LYPD6: variants seen among roughly 807,000 people sequenced by gnomAD.
LYPD6 encodes the protein ly6/PLAUR domain-containing protein 6.
Under a neutral mutation model 22.7 loss-of-function variants are expected in LYPD6, and 15 were observed. The observed-to-expected ratio is 0.66, with a 90% CI of 0.44 to 1.02. LYPD6 has a LOEUF of 1.02. Ranked by LOEUF, LYPD6 falls within the 50% of genes least tolerant of loss-of-function variation. The pLI, the probability that LYPD6 is intolerant of heterozygous loss-of-function variation, is 0.00. For synonymous variants in LYPD6, 72 were observed against 77.5 expected (o/e 0.93, Z 0.37); for missense variants, 189 against 208.4 (o/e 0.91, Z 0.57).
intron 1 of LYPD6, among the ~76,000 whole-genome samples, chr2:149,353,655 A>G (rs1681399840): frequency 1.3e-5 from 2 of 152,202 alleles, no homozygotes; most frequent in African/African-American, 4.8e-5. Flanking sequence ...AAGATGAATT[A>G]CTTGAAAATG....
At chr2:149,363,782 T>TTGATGTA (rs1681612443) in intron 1 of LYPD6, among the ~76,000 whole-genome samples, 1 of 152,240 alleles carries the variant, frequency 6.6e-6, no homozygotes, top group South Asian at 2.1e-4. Flanking sequence ...ATATATTTGG[T>TTGATGTA]TGATGTAGAT....
At chr2:149,436,601 T>C (rs1683436294) in intron 1 of LYPD6, among the ~76,000 whole-genome samples, 1 of 152,108 alleles carries the variant, frequency 6.6e-6, no homozygotes, top group Admixed American at 6.5e-5. Flanking sequence ...TTTTCTGAGA[T>C]GGAGTTTCAC....
At chr2:149,467,766 C>T (rs1681233583) in intron 3 of LYPD6, among the ~76,000 whole-genome samples, 2 of 152,244 alleles carry the variant, frequency 1.3e-5, no homozygotes, top group East Asian at 1.9e-4. Context: ...AGAGCAAGAA[C>T]ATTCTCCTAA....
intron 1 of LYPD6, among the ~76,000 whole-genome samples, chr2:149,379,848 C>T (rs537938923): frequency 5.3e-4 from 80 of 152,290 alleles, no homozygotes; most frequent in African/African-American, 1.8e-3. Context: ...AGAATCCCTA[C>T]CCTTGAGAAG....
chr2:149,396,441 C>T (rs1265477200), intron 1 of LYPD6, among the ~76,000 whole-genome samples: 2 of 151,986 alleles, frequency 1.3e-5, no homozygotes, highest in Non-Finnish European at 2.9e-5. Context: ...TATTACTATA[C>T]CCTTGAAGTT....
chr2:149,343,933 G>A (rs1192730033), intron 1 of LYPD6, among the ~76,000 whole-genome samples: 1 of 151,734 alleles, frequency 6.6e-6, no homozygotes, highest in East Asian at 1.9e-4. Flanking sequence ...TGTTTTTTGA[G>A]TTGCAGGACT....
intron 1 of LYPD6, among the ~76,000 whole-genome samples, chr2:149,379,722 A>G (rs1322845984): frequency 6.6e-6 from 1 of 152,202 alleles, no homozygotes; most frequent in African/African-American, 2.4e-5. Flanking sequence ...GAAATCATTC[A>G]CAGCTAATAG....
intron 1 of LYPD6, among the ~76,000 whole-genome samples, chr2:149,383,655 A>G (rs1317686495): frequency 6.6e-6 from 1 of 152,318 alleles, no homozygotes; most frequent in East Asian, 1.9e-4. Flanking sequence ...AAAACCATAG[A>G]AAGAACCAGT....
At chr2:149,429,430 A>T (rs1332822784) in intron 1 of LYPD6, among the ~76,000 whole-genome samples, 1 of 152,246 alleles carries the variant, frequency 6.6e-6, no homozygotes, top group Non-Finnish European at 1.5e-5. Flanking sequence ...TGGTTAGGTG[A>T]GACAGTAAAA....
At chr2:149,442,065 T>TAA (rs1683580768) in intron 2 of LYPD6, among the ~76,000 whole-genome samples, 1 of 152,202 alleles carries the variant, frequency 6.6e-6, no homozygotes, top group African/African-American at 2.4e-5. Context: ...CTGTCAGAAA[T>TAA]ATGTGCATAT....
intron 1 of LYPD6, among the ~76,000 whole-genome samples, chr2:149,377,597 C>T (rs962474850): frequency 1.3e-5 from 2 of 152,044 alleles, no homozygotes; most frequent in African/African-American, 4.8e-5. Context: ...CTGGGCAACA[C>T]GGTGAAACCC....
chr2:149,420,291 C>G (rs1683050734), intron 1 of LYPD6, among the ~76,000 whole-genome samples: 1 of 152,178 alleles, frequency 6.6e-6, no homozygotes, highest in Admixed American at 6.5e-5. Context: ...TGTAGCAGAG[C>G]AGGAGTCAAA....
intron 3 of LYPD6, among the ~76,000 whole-genome samples, chr2:149,453,196 C>T (rs1680874229): frequency 6.6e-6 from 1 of 152,198 alleles, no homozygotes; most frequent in African/African-American, 2.4e-5. Context: ...CTTGAAATCA[C>T]ATTACGTTAG....
At chr2:149,390,734 A>G (rs541622713) in intron 1 of LYPD6, among the ~76,000 whole-genome samples, 9 of 152,340 alleles carry the variant, frequency 5.9e-5, no homozygotes, top group Admixed American at 5.9e-4. Flanking sequence ...ATTGCAATCC[A>G]TTAACACACA....
intron 1 of LYPD6, among the ~76,000 whole-genome samples, chr2:149,385,135 C>G (rs758505579): frequency 8.6e-5 from 13 of 151,990 alleles, no homozygotes; most frequent in Admixed American, 3.3e-4. Context: ...CTTTGTTTCC[C>G]TTCTGATTCC....
chr2:149,485,681 G>A, the LYPD6 span, among the ~76,000 whole-genome samples: 3 of 152,200 alleles, frequency 2.0e-5, no homozygotes, highest in East Asian at 1.9e-4. Flanking sequence ...TTAATAGCAC[G>A]GCAAGTCTTA....
chr2:149,475,648 G>A (rs1160601538), downstream of LYPD6, among the ~76,000 whole-genome samples: 2 of 152,030 alleles, frequency 1.3e-5, no homozygotes, highest in East Asian at 1.9e-4. Context: ...AATTGGATTG[G>A]GGGACCTCTA....
At chr2:149,483,404 A>G in the LYPD6 span, among the ~76,000 whole-genome samples, 1 of 152,158 alleles carries the variant, frequency 6.6e-6, no homozygotes, top group Admixed American at 6.5e-5. Flanking sequence ...GCTAAGAAGG[A>G]AGAGAGGTTT....
At chr2:149,409,654 C>A (rs1045872214) in intron 1 of LYPD6, among the ~76,000 whole-genome samples, 2 of 152,054 alleles carry the variant, frequency 1.3e-5, no homozygotes, top group Non-Finnish European at 2.9e-5. Context: ...GTATGGTTCC[C>A]AGTCCAGTGG....
Sources: allele counts gnomAD v4.1 joint callset (sites outside exome capture counted in the v4.1 genomes callset), GRCh38; gene constraint gnomAD v4.1.1; transcripts MANE v1.5; gene names NCBI Gene and HGNC (gene_info 2026-07-23, HGNC 2026-07-21).